Variants in DLGAP1 observed in about 807,000 individuals in gnomAD.
DLGAP1 encodes the protein DLG associated protein 1.
In DLGAP1, 11 loss-of-function variants were observed where a neutral mutation model predicts 90.8. The ratio of observed to expected loss-of-function variants is 0.12; its 90% CI spans 0.08 to 0.20. The LOEUF (loss-of-function observed/expected upper bound fraction) is 0.20. DLGAP1 is among the 10% of genes least tolerant of loss of function. The pLI is 1.00. For missense variants in DLGAP1, 1,050 were observed against 1,333.8 expected (o/e 0.79, Z 3.31); for synonymous variants, 558 against 540.7 (o/e 1.03, Z -0.44).
At position 3,756,136 on chromosome 18, in the gene DLGAP1, G is replaced by A. The variant is rs544628410; in HGVS notation, c.1173-13624C>T. Among the ~76,000 whole-genome samples, 324 of 151,756 alleles carry A rather than the reference G, an allele frequency of 2.1e-3. 6 individuals are homozygous for A. The highest frequency in any genetic ancestry group is 9.0e-4 in the Non-Finnish European group (61 of 67,936). On this transcript the variant is annotated intron_variant, in intron 5 of 12. Transcript: ENST00000315677. ...ACGATCTTGGCTCACTGCAAGCTCC[G>A]CCTCCCGGGTTCACGCCATTCTCCT...
intron 4 of DLGAP1, among the ~76,000 whole-genome samples, chr18:3,853,210 T>G (rs2069442381): frequency 6.6e-6 from 1 of 152,164 alleles, no homozygotes; most frequent in African/African-American, 2.4e-5. Flanking sequence ...TTTACTGAGT[T>G]TTGAATGCTT....
intron 3 of DLGAP1, among the ~76,000 whole-genome samples, chr18:3,882,390 G>A (rs916283801): frequency 1.3e-5 from 2 of 151,738 alleles, no homozygotes; most frequent in Non-Finnish European, 2.9e-5. Context: ...AAAATTAGCT[G>A]GGAGTGGTGG....
At chr18:3,979,755 C>A (rs951836070) in intron 3 of DLGAP1, among the ~76,000 whole-genome samples, 69 of 152,194 alleles carry the variant, frequency 4.5e-4, no homozygotes, top group African/African-American at 1.7e-3. Context: ...TGTTAATTAG[C>A]TTGACTGAAT....
Position 3,729,176 on chromosome 18 carries a change from G to A in DLGAP1, c.1550C>T (p.Pro517Leu). The change falls in exon 7 of 13, where the codon CCG becomes CTG. Residue 517 changes from proline to leucine, a missense_variant. By Grantham distance (98) the Pro-to-Leu change is moderately conservative. Around this residue, in one of 2 missense-constraint regions of DLGAP1, gnomAD observed 565 missense variants for 879.7 expected, o/e 0.64. Coordinates refer to ENST00000315677, the MANE Select transcript of DLGAP1 (RefSeq NM_004746.4). The surrounding 1 kb of genome is among the most constrained non-coding windows in gnomAD (Gnocchi z 6.2). The part of the protein sequence containing the change: ...ECVSLRSSSP[P>L]RTTTTVRTIQ... ...GGTCCTAACGGTGGTGGTGGTGCGC[G>A]GCGGCGAGGACGACCTCAGGGACAC... The A allele has an allele frequency of 2.5e-6, 4 of 1,613,338 alleles. No individual in the cohort carries two copies. The highest frequency in any genetic ancestry group is 3.4e-6 in the Non-Finnish European group (4 of 1,179,798).
intron 4 of DLGAP1, among the ~76,000 whole-genome samples, chr18:3,847,106 C>A (rs73374512): frequency 0.12 from 18,519 of 152,028 alleles, 1,207 homozygotes; most frequent in Admixed American, 0.15. Context: ...TATAAGGAAG[C>A]TAGGTCAGTA....
intron 3 of DLGAP1, among the ~76,000 whole-genome samples, chr18:3,910,335 G>A (rs115174982): frequency 9.1e-4 from 139 of 151,948 alleles, no homozygotes; most frequent in African/African-American, 3.1e-3. Context: ...GGCAATTTCT[G>A]TATTACTACT....
intron 2 of DLGAP1, among the ~76,000 whole-genome samples, chr18:4,013,309 T>A (rs2074461613): frequency 6.6e-6 from 1 of 152,164 alleles, no homozygotes; most frequent in Non-Finnish European, 1.5e-5. Context: ...AACCTCAATA[T>A]AGAGATAAGG....
intron 1 of DLGAP1, among the ~76,000 whole-genome samples, chr18:4,400,619 GAC>G (rs2144522315): frequency 6.6e-6 from 1 of 152,088 alleles, no homozygotes; most frequent in South Asian, 2.1e-4. Flanking sequence ...GCAACTGGTA[GAC>G]ACAGCAGCTG....
At chr18:3,697,307 G>A (rs890139694) in intron 7 of DLGAP1, among the ~76,000 whole-genome samples, 1 of 152,028 alleles carries the variant, frequency 6.6e-6, no homozygotes, top group Admixed American at 6.6e-5. Context: ...CGTCTTTCCC[G>A]CATTCTCCTC....
rs967220470 is a variant in DLGAP1 at position 4,331,731 on chromosome 18, T to C, written c.-267+123275A>G. Among the ~76,000 whole-genome samples the C allele has an allele frequency of 1.1e-4, 16 of 151,856 alleles. 1 individual carries two copies. Among genetic ancestry groups the C allele is most frequent in the African/African-American group, 2.9e-4 (12 of 41,150 alleles). On this transcript the variant is annotated intron_variant, in intron 1 of 12. Coordinates refer to ENST00000315677, the MANE Select transcript of DLGAP1 (RefSeq NM_004746.4). ...TTCGGTTCCTCCTGGTCTTTCGGCT[T>C]CTTGATTCTATTAAATTATTTCTTA...
chr18:3,758,831 A>G (rs925191407), intron 5 of DLGAP1, among the ~76,000 whole-genome samples: 2 of 152,148 alleles, frequency 1.3e-5, no homozygotes, highest in African/African-American at 4.8e-5. Context: ...AGATATTTGC[A>G]TTGCCGGCCA....
intron 2 of DLGAP1, among the ~76,000 whole-genome samples, chr18:4,092,525 C>T (rs1186562577): frequency 6.9e-6 from 1 of 145,798 alleles, no homozygotes; most frequent in Non-Finnish European, 1.5e-5. Flanking sequence ...TGTAGGATCT[C>T]GGACTTAGGA....
At chr18:4,399,726 A>T (rs1470383580) in intron 1 of DLGAP1, among the ~76,000 whole-genome samples, 1 of 152,226 alleles carries the variant, frequency 6.6e-6, no homozygotes, top group Non-Finnish European at 1.5e-5. Flanking sequence ...CCAGAGAGGC[A>T]GGTAGAGAAG....
At chr18:3,514,364 C>T (rs1005874586) in intron 10 of DLGAP1, among the ~76,000 whole-genome samples, 1 of 152,174 alleles carries the variant, frequency 6.6e-6, no homozygotes, top group African/African-American at 2.4e-5. Flanking sequence ...GAAGAATAGA[C>T]ATATTTCTTA....
At chr18:3,699,306 G>T (rs1297074742) in intron 7 of DLGAP1, among the ~76,000 whole-genome samples, 1 of 152,082 alleles carries the variant, frequency 6.6e-6, no homozygotes, top group Non-Finnish European at 1.5e-5. Context: ...CTTTGATGTT[G>T]GTGACTTTCA....
intron 1 of DLGAP1, among the ~76,000 whole-genome samples, chr18:4,184,350 C>T (rs1411539915): frequency 1.3e-5 from 2 of 152,068 alleles, no homozygotes. Context: ...AGATAAAGAT[C>T]ATTTTGTTGG....
intron 11 of DLGAP1, among the ~76,000 whole-genome samples, chr18:3,506,116 T>A (rs2050200775): frequency 6.6e-6 from 1 of 151,904 alleles, no homozygotes; most frequent in Non-Finnish European, 1.5e-5. Flanking sequence ...CGGGTGCCTG[T>A]AAACCCAGCT....
At chr18:3,857,387 TATA>T (rs1394994794) in intron 4 of DLGAP1, among the ~76,000 whole-genome samples, 4 of 152,212 alleles carry the variant, frequency 2.6e-5, no homozygotes, top group African/African-American at 9.6e-5. Flanking sequence ...ATTTACATAC[TATA>T]ATAACAATAC....
intron 3 of DLGAP1, among the ~76,000 whole-genome samples, chr18:3,936,188 G>A (rs2072634853): frequency 6.6e-6 from 1 of 152,196 alleles, no homozygotes; most frequent in Admixed American, 6.5e-5. Context: ...GACAATAAGA[G>A]TATTTCTAAG....
Sources: gnomAD v4.1 joint callset for allele counts (sites outside exome capture counted in the v4.1 genomes callset) on GRCh38, gnomAD v4.1.1 for gene constraint, gnomAD v4.1.1 regional missense constraint, Gnocchi (gnomAD v3.1) non-coding constraint, MANE v1.5 for transcripts, NCBI Gene and HGNC (gene_info 2026-07-23, HGNC 2026-07-21) for gene names.